The following SGCD variants were observed in gnomAD, a reference collection of about 807,000 sequenced individuals.
SGCD encodes the protein delta-sarcoglycan.
Under a neutral mutation model 36.6 loss-of-function variants are expected in SGCD, and 18 were observed. The observed-to-expected ratio is 0.49, with a 90% CI of 0.34 to 0.73. The LOEUF (loss-of-function observed/expected upper bound fraction) is 0.73. Ranked by LOEUF, SGCD falls within the 30% of genes least tolerant of loss-of-function variation. The pLI is 0.01. For missense variants in SGCD, 387 were observed against 346.7 expected (o/e 1.12, Z -0.92); for synonymous variants, 133 against 130.6 (o/e 1.02, Z -0.12).
At chr5:156,555,359 T>C (rs1758979238) in intron 4 of SGCD, among the ~76,000 whole-genome samples, 1 of 152,180 alleles carries the variant, frequency 6.6e-6, no homozygotes, top group South Asian at 2.1e-4. Context: ...TTAGTTCTTA[T>C]GTTTAAATCT....
intron 3 of SGCD, among the ~76,000 whole-genome samples, chr5:156,370,198 A>G (rs1160781684): frequency 6.6e-6 from 1 of 152,160 alleles, no homozygotes; most frequent in African/African-American, 2.4e-5. Flanking sequence ...GCACAGTTTC[A>G]TGGAGGGAGA....
chr5:156,197,472 CTTTTTTT>C, intron 3 of SGCD, among the ~76,000 whole-genome samples: 2 of 133,996 alleles, frequency 1.5e-5, no homozygotes, highest in African/African-American at 5.5e-5. Flanking sequence ...AATAGTTTTC[CTTTTTTT>C]TTTTTTTTGG....
At chr5:155,894,659 A>C (rs1047289696) in intron 1 of SGCD, among the ~76,000 whole-genome samples, 1 of 152,110 alleles carries the variant, frequency 6.6e-6, no homozygotes, top group Admixed American at 6.5e-5. Flanking sequence ...TCTCAAAGGA[A>C]CATGAACTCT....
At chr5:156,303,912 T>C (rs576464124) in intron 3 of SGCD, among the ~76,000 whole-genome samples, 8 of 151,862 alleles carry the variant, frequency 5.3e-5, no homozygotes, top group African/African-American at 1.9e-4. Flanking sequence ...GAAATGTGAG[T>C]TGTACTGCCT....
intron 1 of SGCD, among the ~76,000 whole-genome samples, chr5:155,939,250 A>G (rs1757275643): frequency 6.6e-6 from 1 of 152,232 alleles, no homozygotes; most frequent in Non-Finnish European, 1.5e-5. Flanking sequence ...GGTAATGACT[A>G]TGTTAATCAG....
At chr5:156,412,997 C>T (rs1209521208) in intron 3 of SGCD, among the ~76,000 whole-genome samples, 1 of 151,662 alleles carries the variant, frequency 6.6e-6, no homozygotes, top group South Asian at 2.1e-4. Flanking sequence ...CGGGGTTTCA[C>T]CTTGTTAGCC....
At chr5:156,737,224 A>G (rs1756420220) in intron 7 of SGCD, among the ~76,000 whole-genome samples, 2 of 152,176 alleles carry the variant, frequency 1.3e-5, no homozygotes, top group Non-Finnish European at 2.9e-5. Context: ...TCAGTCTATT[A>G]CTGTAGCATT....
chr5:156,344,058 C>G (rs1561633056), intron 2 of SGCD, among the ~76,000 whole-genome samples: 1 of 152,074 alleles, frequency 6.6e-6, no homozygotes, highest in African/African-American at 2.4e-5. Context: ...ACCACCCCCC[C>G]AAATAAATTG....
intron 1 of SGCD, among the ~76,000 whole-genome samples, chr5:156,104,574 T>A (rs1761599194): frequency 6.6e-6 from 1 of 152,350 alleles, no homozygotes; most frequent in Admixed American, 6.5e-5. Context: ...CTTTTTATTA[T>A]GCTCTATTGT....
chr5:155,750,210 G>A, the SGCD span, among the ~76,000 whole-genome samples: 21 of 152,260 alleles, frequency 1.4e-4, no homozygotes, highest in African/African-American at 4.1e-4. Flanking sequence ...TAACAATTTT[G>A]TGTAATCAAA....
chr5:156,580,345 C>T (rs1312856831), intron 4 of SGCD, among the ~76,000 whole-genome samples: 3 of 152,156 alleles, frequency 2.0e-5, no homozygotes, highest in Non-Finnish European at 1.5e-5. Context: ...CTGCCTTTAA[C>T]ATTTTTCCTT....
At chr5:156,213,521 C>T (rs1764501230) in intron 3 of SGCD, among the ~76,000 whole-genome samples, 1 of 152,142 alleles carries the variant, frequency 6.6e-6, no homozygotes, top group East Asian at 1.9e-4. Context: ...AGCTTCACTG[C>T]TGAATTCTAT....
At chr5:155,764,112 T>C in the SGCD span, among the ~76,000 whole-genome samples, 2 of 152,142 alleles carry the variant, frequency 1.3e-5, no homozygotes, top group African/African-American at 2.4e-5. Context: ...CTCTATAAGA[T>C]TGGCCAGATC....
chr5:156,359,672 A>G (rs1580870315), intron 3 of SGCD, among the ~76,000 whole-genome samples: 1 of 152,172 alleles, frequency 6.6e-6, no homozygotes, highest in South Asian at 2.1e-4. Context: ...TATTATTAAG[A>G]TGAGTCAACA....
intron 1 of SGCD, among the ~76,000 whole-genome samples, chr5:155,923,717 T>A (rs1057180165): frequency 3.9e-5 from 6 of 152,178 alleles, no homozygotes; most frequent in Non-Finnish European, 8.8e-5. Context: ...GCCAGCAATA[T>A]TTCTTTACCA....
chr5:156,649,074 A>T (rs1763349496), intron 7 of SGCD, among the ~76,000 whole-genome samples: 1 of 152,212 alleles, frequency 6.6e-6, no homozygotes, highest in African/African-American at 2.4e-5. Flanking sequence ...AATTCTCAAA[A>T]GAAGACATTT....
chr5:156,350,266 TAC>T (rs1356415966), intron 3 of SGCD, among the ~76,000 whole-genome samples: 2 of 144,740 alleles, frequency 1.4e-5, no homozygotes, highest in Admixed American at 6.9e-5. Context: ...TATATATATG[TAC>T]ACACACACAT....
the SGCD span, among the ~76,000 whole-genome samples, chr5:155,862,852 T>C: frequency 1.3e-5 from 2 of 152,220 alleles, no homozygotes; most frequent in Non-Finnish European, 2.9e-5. Flanking sequence ...TGCCATGTGC[T>C]CTATGTGACA....
intron 6 of SGCD, among the ~76,000 whole-genome samples, chr5:156,616,773 C>T (rs1762035410): frequency 6.6e-6 from 1 of 152,184 alleles, no homozygotes; most frequent in Admixed American, 6.5e-5. Context: ...TCACTGTCTA[C>T]ATCAGGAATT....
Sources: gnomAD v4.1 joint callset for allele counts (sites outside exome capture counted in the v4.1 genomes callset) on GRCh38, gnomAD v4.1.1 for gene constraint, MANE v1.5 for transcripts, NCBI Gene and HGNC (gene_info 2026-07-23, HGNC 2026-07-21) for gene names.